Variants in G6PD observed in about 807,000 individuals in gnomAD.
G6PD encodes glucose-6-phosphate 1-dehydrogenase.
A neutral mutation model predicts 38.2 loss-of-function variants in G6PD; 2 were observed. The observed-to-expected ratio is 0.05, with a 90% confidence interval of 0.02 to 0.16. The LOEUF is 0.16. Ranked by LOEUF, G6PD falls within the 10% of genes least tolerant of loss-of-function variation. The pLI is 1.00. For synonymous variants in G6PD, 188 were observed against 196.0 expected, an observed-to-expected ratio of 0.96 and a Z score of 0.34; for missense variants, 310 against 471.6, an observed-to-expected ratio of 0.66 and a Z score of 3.17.
Position 154,546,169 on chromosome X carries a change from G to A in G6PD, c.-8-6C>T. 8.3e-7 allele frequency: 1 copy of A among 1,211,372 alleles called. No individual in the cohort carries two copies. The highest frequency in any genetic ancestry group is 1.7e-5 in the African/African-American group (1 of 57,867). On this transcript the variant is annotated splice_region_variant and splice_polypyrimidine_tract_variant and intron_variant, in intron 1 of 12. Coordinates refer to ENST00000393562, the MANE Select transcript of G6PD (RefSeq NM_001360016.2). Reference sequence around the variant, plus strand: ...CTGCTCTGCCATGACGCTGTCTGGTGGAAGAAAGGCTCGTTAACAAGGCAG... The same window carrying A: ...CTGCTCTGCCATGACGCTGTCTGGTAGAAGAAAGGCTCGTTAACAAGGCAG...
At chrX:154,532,329 A>C (rs782728872) in intron 11 of G6PD, 49 bp from the exon 12 acceptor site, 2 of 1,206,016 alleles carry the variant, frequency 1.7e-6, no homozygotes, top group South Asian at 1.8e-5. Context: ...ACAGGGAGGG[A>C]GGGCAAAGGC....
intron 7 of G6PD, 82 bp from the exon 8 acceptor site, chrX:154,533,751 CT>C: frequency 8.4e-7 from 1 of 1,193,122 alleles, no homozygotes; most frequent in East Asian, 3.1e-5. Flanking sequence ...CCAAACAAGG[CT>C]TCCTAGTGAC....
Position 154,531,715 on chromosome X carries a change from G to T in G6PD, c.*285C>A. ...CCAATAAGCTCTGGGACAGACGAATGGGCGCCCTCCTCCTTCCTTCTGTTG... is the reference window on the plus strand; with the variant it reads ...CCAATAAGCTCTGGGACAGACGAATTGGCGCCCTCCTCCTTCCTTCTGTTG... On this transcript the variant is annotated 3_prime_UTR_variant, in exon 13 of 13. Transcript: ENST00000393562. The T allele has an allele frequency of 2.8e-6, 1 of 357,943 alleles. No individual in the cohort carries two copies. The highest frequency in any genetic ancestry group is 5.1e-5 in the East Asian group (1 of 19,723). 29.5% of individuals were successfully genotyped at this position (357,943 alleles called of 1,213,427 possible). A position where few individuals can be genotyped will look rare whatever the true frequency, so the allele number is the denominator to read the frequency against.
chrX:154,546,312 T>C (rs2070713944), intron 1 of G6PD, 149 bp from the exon 2 acceptor site: 2 of 759,661 alleles, frequency 2.6e-6, no homozygotes, highest in African/African-American at 2.1e-5. Flanking sequence ...CATTGGGGAG[T>C]GGTTGATGGG....
chrX:154,546,301 G>A, intron 1 of G6PD, 138 bp from the exon 2 acceptor site: 1 of 829,136 alleles, frequency 1.2e-6, no homozygotes, highest in East Asian at 3.2e-5. Flanking sequence ...GAACGGCTGG[G>A]CATTGGGGAG....
chrX:154,546,222 C>A (rs910155098), intron 1 of G6PD, 59 bp from the exon 2 acceptor site: 3 of 1,193,859 alleles, frequency 2.5e-6, no homozygotes, highest in Non-Finnish European at 3.4e-6. Context: ...GAGAAGTTAG[C>A]CCCTTTCTTG....
At chrX:154,538,532 C>T (rs1263116705) in intron 2 of G6PD, among the ~76,000 whole-genome samples, 1 of 112,137 alleles carries the variant, frequency 8.9e-6, no homozygotes, top group Non-Finnish European at 1.9e-5. Flanking sequence ...CTCAACCCAA[C>T]AGATGTAGAT....
chrX:154,535,185 C>T lies in G6PD; in HGVS notation c.468G>A (p.Glu156=). The change falls in exon 5 of 13, where the codon GAG becomes GAA. Residue 156 remains glutamate, a synonymous_variant. Coordinates refer to ENST00000393562, the MANE Select transcript of G6PD (RefSeq NM_001360016.2). ...VYEAVTKNIH[E]SCMSQIGWNR... The stretch of plus-strand genomic sequence containing the variant: ...AGCCTTACATCTGGCTCATGCAGGA[C>T]TCGTGAATGTTCTTGGTGACGGCCT... The T allele has an allele frequency of 8.3e-7, 1 of 1,210,937 alleles. No individual in the cohort carries two copies. The highest frequency in any genetic ancestry group is 1.1e-6 in the Non-Finnish European group (1 of 895,274).
Position 154,534,166 on chromosome X carries a change from G to A in G6PD, c.645-6C>T. On this transcript the variant is annotated splice_polypyrimidine_tract_variant and splice_region_variant and intron_variant, in intron 6 of 12. Coordinates refer to ENST00000393562, the MANE Select transcript of G6PD (RefSeq NM_001360016.2). The stretch of plus-strand genomic sequence containing the variant: ...CGAAGATCCTGTTGGCAAATCTGCA[G>A]GGAGGGGCAAGGTGGAGGAACTGAC... 3 of 1,212,095 alleles carry A rather than the reference G, an allele frequency of 2.5e-6. No homozygotes were observed. The highest frequency in any genetic ancestry group is 3.3e-6 in the Non-Finnish European group (3 of 895,573).
intron 2 of G6PD, among the ~76,000 whole-genome samples, chrX:154,544,931 A>G (rs1410049081): frequency 8.9e-6 from 1 of 112,611 alleles, no homozygotes; most frequent in Non-Finnish European, 1.9e-5. Flanking sequence ...TAGTTTTGAT[A>G]GAGCTCCTGC....
At chrX:154,533,452 C>T (rs1247748091) in intron 8 of G6PD, 124 bp downstream of exon 8, 5 of 893,694 alleles carry the variant, frequency 5.6e-6, no homozygotes, top group Non-Finnish European at 7.9e-6. Flanking sequence ...CCACGCTGTG[C>T]TCAGAGGTGG....
Position 154,534,408 on chromosome X carries a change from G to A in G6PD, c.574C>T (p.Arg192Cys), listed in dbSNP as rs1557230370. 1.1e-5 allele frequency: 13 copies of A among 1,210,799 alleles called. No individual in the cohort carries two copies. Among genetic ancestry groups the A allele is most frequent in the Admixed American group, 2.2e-5 (1 of 46,045 alleles). The change falls in exon 6 of 13, where the codon CGT (arginine) becomes TGT (cysteine). Residue 192 changes from arginine (R) to cysteine (C), a missense_variant. This residue lies in a region of G6PD where 168 missense variants were observed against 309.2 expected (regional missense o/e 0.54). Transcript: ENST00000393562. ...TCGATGCGGTAGATCTGGTCCTCAC[G>A]GAACAGGGAGGAGATGTGGTTGGAC... The part of the protein sequence containing the change: ...RLSNHISSLF[R>C]EDQIYRIDHY...
intron 2 of G6PD, among the ~76,000 whole-genome samples, chrX:154,537,431 A>C (rs1242699843): frequency 4.5e-5 from 5 of 112,195 alleles, no homozygotes; most frequent in African/African-American, 1.6e-4. Flanking sequence ...CAGCCTGACC[A>C]ACATGGAGAA....
rs1402368924 is a variant in G6PD at position 154,533,907 on chromosome X, G to A, written c.770+128C>T. On this transcript the variant is annotated intron_variant, in intron 7 of 12. Transcript: ENST00000393562. ...CAGCCCTTTCCAGCCCGGTCTGATAGCTCAGACACTTAGGTTTTGAACTGC... is the reference window on the plus strand; with the variant it reads ...CAGCCCTTTCCAGCCCGGTCTGATAACTCAGACACTTAGGTTTTGAACTGC... 4 of 1,197,916 alleles carry A rather than the reference G, an allele frequency of 3.3e-6. No individual in the cohort carries two copies. The African/African-American group carries it at 5.3e-5, about 16-fold the overall frequency.
intron 2 of G6PD, among the ~76,000 whole-genome samples, chrX:154,543,092 G>A (rs1324203430): frequency 8.9e-6 from 1 of 112,069 alleles, no homozygotes; most frequent in Admixed American, 9.4e-5. Context: ...GGGAGCCGGA[G>A]CTGTTCCAGG....
intron 6 of G6PD, 24 bp from the exon 7 acceptor site, chrX:154,534,184 G>T (rs367969915): frequency 9.1e-6 from 11 of 1,211,585 alleles, no homozygotes; most frequent in Non-Finnish European, 1.1e-5. Flanking sequence ...CAAGGTGGAG[G>T]AACTGACCTT....
chrX:154,538,630 T>C (rs1156735509), intron 2 of G6PD, among the ~76,000 whole-genome samples: 1 of 111,843 alleles, frequency 8.9e-6, no homozygotes, highest in Non-Finnish European at 1.9e-5. Flanking sequence ...AAAGGGCATC[T>C]ATAAAACACC....
chrX:154,542,073 C>A (rs375586532), intron 2 of G6PD, among the ~76,000 whole-genome samples: 1 of 112,546 alleles, frequency 8.9e-6, no homozygotes, highest in African/African-American at 3.2e-5. Flanking sequence ...GGCCTCCCTG[C>A]TATACCCGGG....
intron 5 of G6PD, 54 bp from the exon 6 acceptor site, chrX:154,534,550 G>C: frequency 8.4e-7 from 1 of 1,191,858 alleles, no homozygotes; most frequent in Non-Finnish European, 1.1e-6. Context: ...CGGGGAGTGA[G>C]GATCAGAGCT....
Sources: gnomAD v4.1 joint callset for allele counts (sites outside exome capture counted in the v4.1 genomes callset) on GRCh38, gnomAD v4.1.1 for gene constraint, gnomAD v4.1.1 regional missense constraint, MANE v1.5 for transcripts, NCBI Gene and HGNC (gene_info 2026-07-23, HGNC 2026-07-21) for gene names.